The following RAD9B variants were observed in gnomAD, a reference collection of about 807,000 sequenced individuals.
RAD9B encodes RAD9 checkpoint clamp component B, also known as cell cycle checkpoint control protein RAD9B.
RAD9B carries 41 observed loss-of-function variants against 48.3 expected under a neutral mutation model. The ratio of observed to expected loss-of-function variants is 0.85; its 90% CI spans 0.66 to 1.10. The LOEUF (loss-of-function observed/expected upper bound fraction) is 1.10. RAD9B is among the 50% of genes least tolerant of loss of function. RAD9B has a pLI of 0.00. For synonymous variants in RAD9B, 160 were observed against 157.9 expected (o/e 1.01, Z -0.10); for missense variants, 444 against 485.1 (o/e 0.92, Z 0.80).
At position 110,530,751 on chromosome 12, in the gene RAD9B, G is replaced by A. The variant is rs2064115858; in HGVS notation, c.*98G>A. 6.5e-7 allele frequency: 1 copy of A among 1,542,180 alleles called. No homozygotes were observed. Among genetic ancestry groups the A allele is most frequent in the African/African-American group, 1.4e-5 (1 of 72,648 alleles). ...TTTAGTGTCTAAAAGAGGTTGTCCA[G>A]GACTTCCTTTTAATGGAGGATGGGC... On this transcript the variant is annotated 3_prime_UTR_variant, in exon 11 of 11. Coordinates refer to ENST00000409300, the MANE Select transcript of RAD9B (RefSeq NM_001286535.2).
chr12:110,525,519 G>C (rs561857494), intron 10 of RAD9B, among the ~76,000 whole-genome samples: 1 of 152,142 alleles, frequency 6.6e-6, no homozygotes, highest in African/African-American at 2.4e-5. Context: ...ATGTATTTTT[G>C]GTAAGAATTC....
intron 3 of RAD9B, among the ~76,000 whole-genome samples, chr12:110,506,141 C>T (rs953117720): frequency 8.6e-5 from 13 of 151,884 alleles, no homozygotes; most frequent in African/African-American, 3.1e-4. Context: ...CCACCTCGGC[C>T]TCCCAAAGTG....
At position 110,502,358 on chromosome 12, in the gene RAD9B, C is replaced by T. The variant is rs1472038721; in HGVS notation, c.21C>T (p.Cys7=). The part of the protein sequence containing the change: MAAMLK[C]VMSGSQVKVF... ...GGCGGATGGCAGCCATGCTGAAGTG[C>T]GTGATGAGCGGCAGTCAGGTGAAAG... The change falls in exon 1 of 11, where the codon TGC becomes TGT. Residue 7 remains cysteine (C), a synonymous_variant. Transcript: ENST00000409300. 3 of 1,613,582 alleles carry T rather than the reference C, an allele frequency of 1.9e-6. No individual in the cohort carries two copies. The highest frequency in any genetic ancestry group is 1.3e-5 in the African/African-American group (1 of 74,934).
chr12:110,529,023 G>A (rs1419564192), intron 10 of RAD9B, among the ~76,000 whole-genome samples: 2 of 148,888 alleles, frequency 1.3e-5, no homozygotes, highest in South Asian at 2.1e-4. Context: ...CTACCGTGCC[G>A]GGCCTGGAGA....
intron 9 of RAD9B, among the ~76,000 whole-genome samples, chr12:110,520,168 C>T (rs1291518980): frequency 2.6e-5 from 4 of 152,066 alleles, no homozygotes; most frequent in South Asian, 4.2e-4. Context: ...GTGTTGTTTC[C>T]CAGAACTCAA....
intron 2 of RAD9B, among the ~76,000 whole-genome samples, chr12:110,504,498 A>T (rs1465019085): frequency 6.6e-6 from 1 of 151,008 alleles, no homozygotes; most frequent in East Asian, 1.9e-4. Flanking sequence ...AAAAAAAAAA[A>T]TTGAGTCAAA....
chr12:110,517,017 AG>A (rs2063619109), intron 6 of RAD9B, among the ~76,000 whole-genome samples: 1 of 152,074 alleles, frequency 6.6e-6, no homozygotes, highest in Non-Finnish European at 1.5e-5. Context: ...GATTGAGTGA[AG>A]ATAATGAAAT....
At chr12:110,525,437 T>G (rs2063907159) in intron 10 of RAD9B, among the ~76,000 whole-genome samples, 1 of 152,130 alleles carries the variant, frequency 6.6e-6, no homozygotes, top group South Asian at 2.1e-4. Context: ...GCTTTGTCCT[T>G]TACTTTGACA....
chr12:110,521,583 G>A (rs1267701491), intron 9 of RAD9B, among the ~76,000 whole-genome samples: 2 of 139,762 alleles, frequency 1.4e-5, no homozygotes, highest in African/African-American at 5.4e-5. Context: ...TTGAGTCAGA[G>A]TCTCGCTTTG....
rs530814502 is a variant in RAD9B, at chr12:110,507,040, G to A, written c.388+347G>A. Among the ~76,000 whole-genome samples the A allele has an allele frequency of 1.2e-3, 189 of 151,848 alleles. 1 individual carries two copies. Among genetic ancestry groups the A allele is most frequent in the South Asian group, 2.9e-3 (14 of 4,820 alleles). On this transcript the variant is annotated intron_variant, in intron 4 of 10. Coordinates refer to ENST00000409300, the MANE Select transcript of RAD9B (RefSeq NM_001286535.2). ...TTTTTAGTAGAGACGGGGTTTCACC[G>A]TGTTGGCCAGGCTGATCTCGAACTC... is the stretch of plus-strand genomic sequence containing the variant.
At chr12:110,511,868 G>A (rs1297459187) in intron 4 of RAD9B, among the ~76,000 whole-genome samples, 3 of 151,290 alleles carry the variant, frequency 2.0e-5, no homozygotes, top group Non-Finnish European at 4.4e-5. Flanking sequence ...TTTTTTTTGA[G>A]ACAGAGTCTC....
At chr12:110,524,764 G>T (rs561626947) in intron 10 of RAD9B, among the ~76,000 whole-genome samples, 1 of 151,870 alleles carries the variant, frequency 6.6e-6, no homozygotes, top group South Asian at 2.1e-4. Flanking sequence ...GCCAGATATG[G>T]TTGGCCAGGC....
chr12:110,516,401 G>C (rs61942604), intron 6 of RAD9B, among the ~76,000 whole-genome samples: 2 of 152,060 alleles, frequency 1.3e-5, no homozygotes, highest in Non-Finnish European at 2.9e-5. Flanking sequence ...TAGTTGACTG[G>C]CAATCTAGTT....
At chr12:110,505,291 T>C (rs2063229317) in intron 2 of RAD9B, among the ~76,000 whole-genome samples, 1 of 152,124 alleles carries the variant, frequency 6.6e-6, no homozygotes, top group Non-Finnish European at 1.5e-5. Flanking sequence ...GGTGTACATA[T>C]ATGTATATAT....
rs1270168212 is a variant in RAD9B, at chr12:110,531,684, T to C, written c.*1031T>C. Reference sequence around the variant, plus strand: ...AGCCTGAGTTTGGAGTGGAATAAGGTGGAAGACAAATGTCTCTGTTCTTTG... The same window carrying C: ...AGCCTGAGTTTGGAGTGGAATAAGGCGGAAGACAAATGTCTCTGTTCTTTG... On this transcript the variant is annotated 3_prime_UTR_variant, in exon 11 of 11. Coordinates refer to ENST00000409300, the MANE Select transcript of RAD9B (RefSeq NM_001286535.2). The C allele has an allele frequency of 6.4e-7, 1 of 1,559,234 alleles. No individual in the cohort carries two copies. Among genetic ancestry groups the C allele is most frequent in the African/African-American group, 1.4e-5 (1 of 73,934 alleles).
At chr12:110,514,251 A>G (rs534436857) in intron 5 of RAD9B, among the ~76,000 whole-genome samples, 1 of 151,996 alleles carries the variant, frequency 6.6e-6, no homozygotes, top group Non-Finnish European at 1.5e-5. Context: ...TCAGATTAAC[A>G]ACAAGATTAC....
Position 110,515,055 on chromosome 12 carries a change from T to C in RAD9B, c.494T>C (p.Leu165Pro). ...TNTLMIQPRLLADAIVLFTSS... is the reference protein window; with the variant it reads ...TNTLMIQPRLPADAIVLFTSS... ...CTGTTCTTTACATTTTATAGATTGC[T>C]TGCTGATGCCATTGTTCTTTTTACA... The change falls in exon 6 of 11, where the codon CTT becomes CCT. Residue 165 changes from leucine to proline, a missense_variant. Leu to Pro is a moderately conservative substitution (Grantham distance 98). Coordinates refer to ENST00000409300, the MANE Select transcript of RAD9B (RefSeq NM_001286535.2). 1.3e-6 allele frequency: 2 copies of C among 1,544,926 alleles called. No homozygotes were observed. The highest frequency in any genetic ancestry group is 4.8e-5 in the East Asian group (2 of 41,328).
chr12:110,521,110 T>C (rs905364076), intron 9 of RAD9B, among the ~76,000 whole-genome samples: 9 of 152,152 alleles, frequency 5.9e-5, no homozygotes, highest in African/African-American at 2.2e-4. Context: ...TCTGGCTCAC[T>C]GCATTTTCTT....
chr12:110,531,701 T>C lies in RAD9B; in HGVS notation c.*1048T>C. 6.8e-7 allele frequency: 1 copy of C among 1,466,316 alleles called. No homozygotes were observed. 90.8% of individuals were successfully genotyped at this position (1,466,316 alleles called of 1,614,324 possible). A position where few individuals can be genotyped will look rare whatever the true frequency, so the allele number is the denominator to read the frequency against. On this transcript the variant is annotated 3_prime_UTR_variant, in exon 11 of 11. Coordinates refer to ENST00000409300, the MANE Select transcript of RAD9B (RefSeq NM_001286535.2). ...GAATAAGGTGGAAGACAAATGTCTCTGTTCTTTGGCCCTTTAAGAGTTAGC... is the reference window on the plus strand; with the variant it reads ...GAATAAGGTGGAAGACAAATGTCTCCGTTCTTTGGCCCTTTAAGAGTTAGC...
Sources: gnomAD v4.1 joint callset for allele counts (sites outside exome capture counted in the v4.1 genomes callset) on GRCh38, gnomAD v4.1.1 for gene constraint, MANE v1.5 for transcripts, NCBI Gene and HGNC (gene_info 2026-07-23, HGNC 2026-07-21) for gene names.